The following MARK1 variants were observed in gnomAD, a reference collection of about 807,000 sequenced individuals.
The protein encoded by MARK1 is serine/threonine-protein kinase MARK1.
A neutral mutation model predicts 96.3 loss-of-function variants in MARK1; 40 were observed. The observed-to-expected ratio is 0.42, with a 90% CI of 0.32 to 0.54. The LOEUF (loss-of-function observed/expected upper bound fraction) is 0.54. MARK1 is among the 20% of genes least tolerant of loss of function. MARK1 has a pLI of 0.16. For synonymous variants in MARK1, 317 were observed against 341.2 expected (o/e 0.93, Z 0.78); for missense variants, 719 against 984.6 (o/e 0.73, Z 3.61).
chr1:220,617,823 T>TA (rs1252253508), intron 7 of MARK1, among the ~76,000 whole-genome samples: 1 of 152,176 alleles, frequency 6.6e-6, no homozygotes, highest in Non-Finnish European at 1.5e-5. Context: ...AGGAATGAAT[T>TA]AGTAGTCACA....
intron 5 of MARK1, among the ~76,000 whole-genome samples, chr1:220,600,104 A>T (rs1233836794): frequency 6.6e-6 from 1 of 152,140 alleles, no homozygotes; most frequent in Non-Finnish European, 1.5e-5. Flanking sequence ...GAAACGTTAA[A>T]TTTGTATTTT....
At chr1:220,548,194 A>C (rs997816439) in intron 1 of MARK1, among the ~76,000 whole-genome samples, 18 of 152,224 alleles carry the variant, frequency 1.2e-4, no homozygotes, top group African/African-American at 4.3e-4. Context: ...TGCTGGTTAA[A>C]TTCTGGTCAT....
intron 7 of MARK1, among the ~76,000 whole-genome samples, chr1:220,617,439 A>G (rs573000183): frequency 9.5e-4 from 145 of 152,258 alleles, no homozygotes; most frequent in Non-Finnish European, 1.5e-3. Flanking sequence ...TTTTAGTCAA[A>G]TTTTATTTCT....
intron 1 of MARK1, among the ~76,000 whole-genome samples, chr1:220,576,944 G>A (rs1265212585): frequency 6.6e-6 from 1 of 152,084 alleles, no homozygotes; most frequent in Non-Finnish European, 1.5e-5. Flanking sequence ...GCTGTGTGGA[G>A]GAGATACTCA....
intron 16 of MARK1, among the ~76,000 whole-genome samples, chr1:220,655,675 T>C (rs1669130168): frequency 6.6e-6 from 1 of 152,226 alleles, no homozygotes. Flanking sequence ...CCACTATTCA[T>C]CTTTCACTTC....
chr1:220,539,020 AC>A (rs1266911937), intron 1 of MARK1, among the ~76,000 whole-genome samples: 1 of 152,160 alleles, frequency 6.6e-6, no homozygotes, highest in East Asian at 1.9e-4. Context: ...GCAAACACGG[AC>A]AATTTGACTT....
At chr1:220,629,945 G>C (rs1667575213) in intron 9 of MARK1, among the ~76,000 whole-genome samples, 1 of 152,100 alleles carries the variant, frequency 6.6e-6, no homozygotes, top group African/African-American at 2.4e-5. Flanking sequence ...TCTGCTTTCA[G>C]TTTTTTTGGA....
intron 1 of MARK1, among the ~76,000 whole-genome samples, chr1:220,553,053 G>A (rs139280827): frequency 1.3e-5 from 2 of 152,290 alleles, no homozygotes; most frequent in East Asian, 3.9e-4. Context: ...AGTAACTGAT[G>A]TATACAGCAT....
chr1:220,543,580 T>C lies in MARK1; in HGVS notation c.51+14707T>C, dbSNP rs530686049. Among the ~76,000 whole-genome samples, 3 of 152,334 alleles carry C rather than the reference T, an allele frequency of 2.0e-5. No individual in the cohort carries two copies. In the South Asian group the frequency reaches 6.2e-4, roughly 32 times the overall value. On this transcript the variant is annotated intron_variant, in intron 1 of 17. Transcript: ENST00000366917. ...GTTTAGCGTTGTTCTCTAATTCTTC[T>C]GCGTATAAACTTCTGCTTTCTAGCT...
chr1:220,576,765 A>AT (rs1663880108), intron 1 of MARK1: 1 of 152,174 alleles, frequency 6.6e-6, no homozygotes, highest in African/African-American at 2.4e-5. Context: ...ATTTGTGCCT[A>AT]ACACTATATT....
chr1:220,626,834 A>AG, intron 9 of MARK1: 5 of 367,238 alleles, frequency 1.4e-5, no homozygotes, highest in South Asian at 4.8e-5. Flanking sequence ...AAAAAAAAAA[A>AG]GGGTTGAGGG....
intron 5 of MARK1, among the ~76,000 whole-genome samples, chr1:220,602,163 CTT>C (rs1178278316): frequency 6.6e-6 from 1 of 152,174 alleles, no homozygotes; most frequent in Admixed American, 6.5e-5. Context: ...ACAACTGCCT[CTT>C]TGCCAAGAGT....
At chr1:220,640,206 A>G (rs1471452629) in intron 13 of MARK1, among the ~76,000 whole-genome samples, 1 of 152,218 alleles carries the variant, frequency 6.6e-6, no homozygotes, top group African/African-American at 2.4e-5. Context: ...AATCCATTCA[A>G]ATGGCATGAA....
chr1:220,650,530 G>T lies in MARK1; in HGVS notation c.1471-90G>T, dbSNP rs529350320. On this transcript the variant is annotated intron_variant, in intron 13 of 17. Transcript: ENST00000366917. ...GATTCTGATCAATTAAAATTCTGTG[G>T]ATTTTTCTCAAAGTCAGCTTAAATA... 298 of 757,002 alleles carry T rather than the reference G, an allele frequency of 3.9e-4. 2 individuals are homozygous for T. In the African/African-American group the frequency reaches 4.9e-3, roughly 12 times the overall value. 46.9% of individuals were successfully genotyped at this position (757,002 alleles called of 1,614,324 possible).
intron 11 of MARK1, among the ~76,000 whole-genome samples, chr1:220,634,975 T>C (rs1259265571): frequency 6.6e-6 from 1 of 152,200 alleles, no homozygotes; most frequent in Non-Finnish European, 1.5e-5. Flanking sequence ...CCTTAACTTT[T>C]TTAACCTCAG....
At chr1:220,536,407 T>C (rs1312653989) in intron 1 of MARK1, among the ~76,000 whole-genome samples, 1 of 151,996 alleles carries the variant, frequency 6.6e-6, no homozygotes, top group Non-Finnish European at 1.5e-5. Context: ...TGGGCTTTTT[T>C]TTTTTTCCCA....
chr1:220,599,079 G>T (rs773825088), intron 4 of MARK1, among the ~76,000 whole-genome samples: 1 of 152,032 alleles, frequency 6.6e-6, no homozygotes, highest in Non-Finnish European at 1.5e-5. Flanking sequence ...TTTGATCATA[G>T]GTTTACAGGC....
At position 220,618,160 on chromosome 1, in the gene MARK1, A is replaced by T; in HGVS notation, c.553-150A>T. On this transcript the variant is annotated intron_variant, in intron 7 of 17. Transcript: ENST00000366917. The surrounding 1 kb of genome is among the most constrained non-coding windows in gnomAD (Gnocchi z 4.6). ...TAGATGTAATTCAGAACAGTTATGCATTGAAGTACCATACTGGGCTTCTAA... is the reference window on the plus strand; with the variant it reads ...TAGATGTAATTCAGAACAGTTATGCTTTGAAGTACCATACTGGGCTTCTAA... The T allele has an allele frequency of 1.6e-6, 1 of 612,754 alleles. No homozygotes were observed. Among genetic ancestry groups the T allele is most frequent in the East Asian group, 2.7e-5 (1 of 36,438 alleles). The allele number at this position is 612,754 out of a possible 1,614,324, so 38.0% of individuals were successfully genotyped here.
intron 11 of MARK1, among the ~76,000 whole-genome samples, chr1:220,633,986 C>G (rs1337716318): frequency 6.6e-6 from 1 of 152,168 alleles, no homozygotes; most frequent in African/African-American, 2.4e-5. Flanking sequence ...GTGCCAGGAA[C>G]TGTTCTAAGG....
Sources: gnomAD v4.1 joint callset for allele counts (sites outside exome capture counted in the v4.1 genomes callset) on GRCh38, gnomAD v4.1.1 for gene constraint, Gnocchi (gnomAD v3.1) non-coding constraint, MANE v1.5 for transcripts, NCBI Gene and HGNC (gene_info 2026-07-23, HGNC 2026-07-21) for gene names.